Variants in AFF2 observed in about 807,000 individuals in gnomAD.
The protein encoded by AFF2 is ALF transcription elongation factor 2.
In AFF2, 14 loss-of-function variants were observed where a neutral mutation model predicts 76.9. The observed-to-expected ratio is 0.18, with a 90% confidence interval of 0.12 to 0.28. The LOEUF is 0.28. Ranked by LOEUF, AFF2 falls within the 10% of genes least tolerant of loss-of-function variation. The pLI is 1.00. For synonymous variants in AFF2, 398 were observed against 366.7 expected (o/e 1.09, Z -0.98); for missense variants, 868 against 1,001.1 (o/e 0.87, Z 1.79).
At chrX:148,927,511 C>G (rs376565255) in intron 9 of AFF2, among the ~76,000 whole-genome samples, 1 of 110,376 alleles carries the variant, frequency 9.1e-6, no homozygotes, top group East Asian at 2.8e-4. Flanking sequence ...TTCTCACACT[C>G]TACCCACCAG....
At chrX:148,783,712 G>A (rs1002314801) in intron 3 of AFF2, among the ~76,000 whole-genome samples, 1 of 111,668 alleles carries the variant, frequency 9.0e-6, no homozygotes, top group South Asian at 3.8e-4. Context: ...CCTTGGTCTT[G>A]AGGGGAGGTG....
intron 3 of AFF2, among the ~76,000 whole-genome samples, chrX:148,669,567 G>A (rs2054398810): frequency 9.0e-6 from 1 of 111,357 alleles, no homozygotes; most frequent in Admixed American, 9.5e-5. Context: ...GAGAGCTTGT[G>A]CAGGGAAACT....
intron 3 of AFF2, among the ~76,000 whole-genome samples, chrX:148,796,927 G>C (rs868979325): frequency 2.7e-5 from 3 of 111,248 alleles, no homozygotes; most frequent in Admixed American, 1.9e-4. Flanking sequence ...TGGCCTTGGG[G>C]CAACAGGTTA....
At chrX:148,807,344 T>C (rs2070149005) in intron 3 of AFF2, among the ~76,000 whole-genome samples, 1 of 112,224 alleles carries the variant, frequency 8.9e-6, no homozygotes, top group Admixed American at 9.4e-5. Flanking sequence ...ATTCATTGTA[T>C]TGGGCTTTGC....
intron 3 of AFF2, among the ~76,000 whole-genome samples, chrX:148,790,309 A>G (rs2069874972): frequency 9.0e-6 from 1 of 111,651 alleles, no homozygotes; most frequent in Admixed American, 9.5e-5. Context: ...AACAAGAAAT[A>G]CCATTTGACC....
intron 4 of AFF2, among the ~76,000 whole-genome samples, chrX:148,819,252 A>T (rs1411747877): frequency 2.7e-5 from 3 of 111,190 alleles, no homozygotes; most frequent in Admixed American, 1.9e-4. Flanking sequence ...TAATAATTAT[A>T]TACAGATTTT....
intron 19 of AFF2, 142 bp from the exon 20 acceptor site, chrX:148,987,225 G>A (rs1453120464): frequency 2.0e-6 from 1 of 503,457 alleles, no homozygotes; most frequent in South Asian, 3.6e-5. Context: ...ACTCTGATGG[G>A]GCTTCACATG....
intron 8 of AFF2, among the ~76,000 whole-genome samples, chrX:148,897,270 TATGTATATGAA>T (rs1557280441): frequency 5.4e-5 from 1 of 18,637 alleles, no homozygotes; most frequent in African/African-American, 3.2e-4. Context: ...TATATATATA[TATGTATATGAA>T]AAATATATAT....
Position 148,904,275 on chromosome X carries a change from AT to A in AFF2, c.1397+19del. On this transcript the variant is annotated intron_variant, in intron 9 of 20. Coordinates refer to ENST00000370460, the MANE Select transcript of AFF2 (RefSeq NM_002025.4). ...TCCTGTGAAGTAAGTTATTATTTTT[AT>A]TAGTTGCAAATGTTAATTTTAACGG... 9.8e-7 allele frequency: 1 copy of A among 1,022,408 alleles called. No homozygotes were observed. Among genetic ancestry groups the A allele is most frequent in the Non-Finnish European group, 1.4e-6 (1 of 727,767 alleles). The allele number at this position is 1,022,408 out of a possible 1,213,427, so 84.3% of individuals were successfully genotyped here. A position where few individuals can be genotyped will look rare whatever the true frequency, so the allele number is the denominator to read the frequency against.
At chrX:148,880,087 G>C (rs1421664266) in intron 7 of AFF2, among the ~76,000 whole-genome samples, 1 of 112,279 alleles carries the variant, frequency 8.9e-6, no homozygotes, top group Non-Finnish European at 1.9e-5. Flanking sequence ...TTGGAGATTT[G>C]TTCCTATAGA....
In AFF2 at chrX:148,809,906, G is replaced by A. The variant is rs2070182417; in HGVS notation, c.1072G>A (p.Glu358Lys). The A allele has an allele frequency of 1.7e-6, 2 of 1,210,843 alleles. No individual in the cohort carries two copies. The highest frequency in any genetic ancestry group is 1.7e-5 in the African/African-American group (1 of 57,773). Residue 358 changes from glutamate (E) to lysine (K), a missense_variant, in exon 4 of 21, where the codon GAA becomes AAA. Physicochemically the swap from Glu to Lys is moderately conservative, Grantham distance 56 (BLOSUM62 1). Transcript: ENST00000370460. Reference protein sequence around the residue: ...VSLPSDPSCVEEILREMTHSW... With the variant: ...VSLPSDPSCVKEILREMTHSW... The stretch of plus-strand genomic sequence containing the variant: ...CCTTCCCAGTGATCCAAGCTGTGTT[G>A]AAGAAATCTTGCGGGTGAGTTTAAA...
At chrX:148,620,785 ACT>A (rs1482750162) in intron 1 of AFF2, among the ~76,000 whole-genome samples, 2 of 111,292 alleles carry the variant, frequency 1.8e-5, no homozygotes, top group Non-Finnish European at 3.8e-5. Flanking sequence ...TGCCTCTTTA[ACT>A]CTGATTTTTA....
At chrX:148,649,361 GTTCA>G (rs1220450750) in intron 1 of AFF2, among the ~76,000 whole-genome samples, 1 of 112,102 alleles carries the variant, frequency 8.9e-6, no homozygotes, top group Non-Finnish European at 1.9e-5. Context: ...TCACCATGTA[GTTCA>G]TTACTCATTA....
At chrX:148,986,440 GC>G (rs1427677854) in intron 19 of AFF2, among the ~76,000 whole-genome samples, 1 of 112,285 alleles carries the variant, frequency 8.9e-6, no homozygotes, top group African/African-American at 3.2e-5. Context: ...TATACAGCCA[GC>G]AGGTGACTCC....
chrX:148,952,692 T>A (rs73614038), intron 9 of AFF2, among the ~76,000 whole-genome samples: 4,151 of 112,123 alleles, frequency 0.037, 185 homozygotes, highest in African/African-American at 0.13. Context: ...AGGAGTATTA[T>A]TTATCAATAA....
intron 1 of AFF2, among the ~76,000 whole-genome samples, chrX:148,628,341 C>T (rs1448500045): frequency 1.8e-5 from 2 of 110,702 alleles, no homozygotes; most frequent in African/African-American, 3.3e-5. Flanking sequence ...TGGAAATGAT[C>T]AACAATGTCA....
intron 1 of AFF2, among the ~76,000 whole-genome samples, chrX:148,571,068 G>GT (rs1220269676): frequency 9.0e-6 from 1 of 111,627 alleles, no homozygotes; most frequent in Non-Finnish European, 1.9e-5. Flanking sequence ...TTTGGAGGGG[G>GT]TGGAAACAAT....
intron 3 of AFF2, among the ~76,000 whole-genome samples, chrX:148,774,598 A>G (rs1411438891): frequency 1.8e-5 from 2 of 111,365 alleles, no homozygotes; most frequent in Non-Finnish European, 3.8e-5. Context: ...CACTCCTGCT[A>G]TTCTAACACA....
chrX:148,731,222 C>A (rs1228161353), intron 3 of AFF2, among the ~76,000 whole-genome samples: 1 of 111,994 alleles, frequency 8.9e-6, no homozygotes, highest in Non-Finnish European at 1.9e-5. Flanking sequence ...CTGTATGTAT[C>A]TTTTCCCAGC....
Sources: allele counts gnomAD v4.1 joint callset (sites outside exome capture counted in the v4.1 genomes callset), GRCh38; gene constraint gnomAD v4.1.1; transcripts MANE v1.5; gene names NCBI Gene and HGNC (gene_info 2026-07-23, HGNC 2026-07-21).